TRPM3: variants seen among roughly 807,000 people sequenced by gnomAD.
TRPM3 encodes long transient receptor potential channel 3.
In TRPM3, 77 loss-of-function variants were observed where a neutral mutation model predicts 181.2. That is an observed-to-expected ratio of 0.42 (90% CI 0.35 to 0.51). The LOEUF is 0.51. TRPM3 is among the 20% of genes least tolerant of loss of function. The probability of loss-of-function intolerance (pLI) is 0.01; values close to 1 mark genes in which losing one functional copy is unlikely to be tolerated. For synonymous variants in TRPM3, 745 were observed against 796.4 expected (o/e 0.94, Z 1.09); for missense variants, 1,759 against 2,196.7 (o/e 0.80, Z 3.98).
At chr9:71,180,228 T>G (rs1225209854) in intron 1 of TRPM3, among the ~76,000 whole-genome samples, 2 of 151,972 alleles carry the variant, frequency 1.3e-5, no homozygotes, top group African/African-American at 2.4e-5. Flanking sequence ...CTAATTTTTG[T>G]ATTTTTAATA....
intron 1 of TRPM3, among the ~76,000 whole-genome samples, chr9:71,319,158 A>G (rs1326313725): frequency 3.3e-5 from 5 of 152,138 alleles, no homozygotes; most frequent in Non-Finnish European, 5.9e-5. Flanking sequence ...GGTTATGTCC[A>G]TAGTCACATA....
At chr9:71,367,064 A>G (rs2132764874) in intron 1 of TRPM3, among the ~76,000 whole-genome samples, 1 of 152,348 alleles carries the variant, frequency 6.6e-6, no homozygotes, top group East Asian at 1.9e-4. Context: ...TTCCAACAAG[A>G]GAATAAACAA....
At chr9:70,983,585 T>G (rs1452064857) in intron 1 of TRPM3, among the ~76,000 whole-genome samples, 1 of 152,148 alleles carries the variant, frequency 6.6e-6, no homozygotes, top group Non-Finnish European at 1.5e-5. Context: ...ATCACTTGTG[T>G]CTGGCAGAGA....
chr9:70,811,515 G>A (rs1466745839), intron 6 of TRPM3, among the ~76,000 whole-genome samples: 1 of 152,138 alleles, frequency 6.6e-6, no homozygotes, highest in Non-Finnish European at 1.5e-5. Context: ...TAGCTTCTGT[G>A]GTGTGGAAAG....
chr9:71,331,697 A>AAAAAGGAGGAGAAAAAGGAGGAGG (rs1418102797), intron 1 of TRPM3, among the ~76,000 whole-genome samples: 20 of 101,560 alleles, frequency 2.0e-4, no homozygotes, highest in Non-Finnish European at 3.4e-4. Flanking sequence ...GGAGAAGGAG[A>AAAAAGGAGGAGAAAAAGGAGGAGG]AAAAGGAGGA....
rs146628200 is a variant in TRPM3, at chr9:70,536,069, G to A, written c.5044C>T (p.Arg1682Ter). 6.8e-6 allele frequency: 11 copies of A among 1,614,068 alleles called. No homozygotes were observed. Among genetic ancestry groups the A allele is most frequent in the Middle Eastern group, 1.6e-4 (1 of 6,062 alleles). The change falls in exon 26 of 26, where the codon CGA becomes TGA. Residue 1682 changes from arginine to a stop codon, truncating the protein, a stop_gained. Transcript: ENST00000677713. LOFTEE classifies it high-confidence loss of function. ...GACTTGCTTCTCTGGAAGGGATTTC[G>A]CAGGCTTGCTGTGTTCCGCTGCCTG... ...LDRQRNTASL[R>*]NPFQRSKSSK...
intron 1 of TRPM3, among the ~76,000 whole-genome samples, chr9:71,338,730 A>C (rs1459764928): frequency 6.6e-6 from 1 of 152,184 alleles, no homozygotes; most frequent in Non-Finnish European, 1.5e-5. Context: ...ATCCTTGATA[A>C]AGAGGAATAG....
At chr9:70,742,905 T>C (rs896033719) in intron 8 of TRPM3, among the ~76,000 whole-genome samples, 2 of 152,214 alleles carry the variant, frequency 1.3e-5, no homozygotes, top group Admixed American at 1.3e-4. Context: ...TCAGTGGAAC[T>C]ATCATTCTTG....
intron 1 of TRPM3, among the ~76,000 whole-genome samples, chr9:71,316,165 C>G (rs992867446): frequency 6.6e-6 from 1 of 152,198 alleles, no homozygotes; most frequent in Admixed American, 6.6e-5. Flanking sequence ...GAGGATTGCT[C>G]TATGTGCAAA....
At chr9:71,237,964 T>C (rs1428580746) in intron 1 of TRPM3, among the ~76,000 whole-genome samples, 1 of 152,164 alleles carries the variant, frequency 6.6e-6, no homozygotes, top group Non-Finnish European at 1.5e-5. Context: ...CCCTACATCT[T>C]AATACTATTG....
At chr9:70,548,847 GCTCT>G (rs56761379) in intron 25 of TRPM3, among the ~76,000 whole-genome samples, 6,474 of 150,022 alleles carry the variant, frequency 0.043, 179 homozygotes, top group East Asian at 0.1. Flanking sequence ...AAGATCTTGT[GCTCT>G]CTCTCTCTCT....
At chr9:70,539,172 C>T (rs2042571215) in intron 25 of TRPM3, among the ~76,000 whole-genome samples, 1 of 152,146 alleles carries the variant, frequency 6.6e-6, no homozygotes, top group Non-Finnish European at 1.5e-5. Context: ...AGGCTGGGCC[C>T]CTGCAGTCTG....
intron 1 of TRPM3, among the ~76,000 whole-genome samples, chr9:71,375,431 A>C (rs2092641618): frequency 6.6e-6 from 1 of 152,212 alleles, no homozygotes; most frequent in African/African-American, 2.4e-5. Context: ...CTAGAAGAAA[A>C]TCGAGGCAAT....
At chr9:71,388,158 A>G (rs1304905946) in intron 1 of TRPM3, among the ~76,000 whole-genome samples, 1 of 152,170 alleles carries the variant, frequency 6.6e-6, no homozygotes, top group Non-Finnish European at 1.5e-5. Flanking sequence ...GACCAGTTAT[A>G]TGATGAGCTA....
rs962866691 is a variant in TRPM3 at position 70,535,204 on chromosome 9, G to GT, written c.*748dup. ...GTATATAATAAATCACTTGACTTTT[G>GT]TTTTTTTAACATCAACTCTTCTTTC... On this transcript the variant is annotated 3_prime_UTR_variant, in exon 26 of 26. Transcript: ENST00000677713. 3.0e-5 allele frequency: 17 copies of GT among 570,674 alleles called. No individual in the cohort carries two copies. Among genetic ancestry groups the GT allele is most frequent in the Non-Finnish European group, 4.2e-5 (14 of 332,648 alleles). The allele number at this position is 570,674 out of a possible 1,614,324, so 35.4% of individuals were successfully genotyped here. A position where few individuals can be genotyped will look rare whatever the true frequency, so the allele number is the denominator to read the frequency against.
At chr9:71,415,521 G>A (rs2093623390) in intron 1 of TRPM3, among the ~76,000 whole-genome samples, 2 of 151,798 alleles carry the variant, frequency 1.3e-5, no homozygotes, top group Admixed American at 6.6e-5. Flanking sequence ...AAAGCAGTAC[G>A]CTGGGTGACA....
intron 1 of TRPM3, among the ~76,000 whole-genome samples, chr9:71,419,213 G>T (rs2093688794): frequency 6.6e-6 from 1 of 151,686 alleles, no homozygotes. Flanking sequence ...TTATTGTTAG[G>T]ATTTAATGCA....
chr9:70,936,879 G>C (rs566364327), intron 1 of TRPM3, among the ~76,000 whole-genome samples: 2 of 152,242 alleles, frequency 1.3e-5, no homozygotes, highest in Admixed American at 1.3e-4. Flanking sequence ...TGTATCTCTT[G>C]TCTGTCTTCT....
At chr9:70,849,770 C>T (rs747802511) in intron 3 of TRPM3, among the ~76,000 whole-genome samples, 13 of 151,430 alleles carry the variant, frequency 8.6e-5, no homozygotes, top group African/African-American at 3.2e-4. Context: ...AATGAATATG[C>T]CTGCATGTAA....
Sources: allele counts gnomAD v4.1 joint callset (sites outside exome capture counted in the v4.1 genomes callset), GRCh38; gene constraint gnomAD v4.1.1; transcripts MANE v1.5; gene names NCBI Gene and HGNC (gene_info 2026-07-23, HGNC 2026-07-21).